Variants in ZNF821 observed in about 807,000 individuals in gnomAD.
ZNF821 encodes zinc finger protein 821.
Under a neutral mutation model 44.3 loss-of-function variants are expected in ZNF821, and 16 were observed. That is an observed-to-expected ratio of 0.36 (90% confidence interval 0.24 to 0.55). The LOEUF is 0.55. ZNF821 is among the 20% of genes least tolerant of loss of function. The pLI is 0.86. For missense variants in ZNF821, 436 were observed against 547.6 expected (o/e 0.80, Z 2.03); for synonymous variants, 204 against 197.6 (o/e 1.03, Z -0.27).
intron 3 of ZNF821, among the ~76,000 whole-genome samples, chr16:71,872,570 G>A (rs1043513047): frequency 3.3e-5 from 5 of 152,040 alleles, no homozygotes; most frequent in African/African-American, 9.7e-5. Context: ...CCGAGATCAC[G>A]CCACTGCACT....
chr16:71,886,218 A>G (rs1411424591), upstream of ZNF821, among the ~76,000 whole-genome samples: 1 of 152,216 alleles, frequency 6.6e-6, no homozygotes, highest in African/African-American at 2.4e-5. Flanking sequence ...TTACAACCAA[A>G]TAATGAAAAA....
chr16:71,878,923 CAAAAA>C (rs1168652069), intron 3 of ZNF821, among the ~76,000 whole-genome samples: 1 of 61,778 alleles, frequency 1.6e-5, no homozygotes, highest in Non-Finnish European at 3.3e-5. Flanking sequence ...GACTCTGTCT[CAAAAA>C]AAAAAAAAAA....
At chr16:71,895,089 C>T in exon 1 of ZNF821, 2 of 392,738 alleles carry the variant, frequency 5.1e-6, no homozygotes, top group Non-Finnish European at 4.7e-6. Flanking sequence ...ACCCCCTCGG[C>T]CGCTCCACCC....
At chr16:71,894,993 C>T (rs2036932854) in exon 1 of ZNF821, 3 of 639,336 alleles carry the variant, frequency 4.7e-6, no homozygotes, top group East Asian at 3.1e-5. Flanking sequence ...AACCGGACGG[C>T]TTAAAAGCGG....
chr16:71,875,691 T>A (rs1432840371), intron 3 of ZNF821, among the ~76,000 whole-genome samples: 1 of 152,044 alleles, frequency 6.6e-6, no homozygotes, highest in Non-Finnish European at 1.5e-5. Flanking sequence ...CTCGATCTCC[T>A]GACCTCGTGA....
At chr16:71,893,243 G>T (rs2036901744) in intron 1 of ZNF821, among the ~76,000 whole-genome samples, 1 of 147,812 alleles carries the variant, frequency 6.8e-6, no homozygotes, top group Non-Finnish European at 1.5e-5. Flanking sequence ...TAGCCAGGGT[G>T]GTCTTCATCT....
intron 3 of ZNF821, among the ~76,000 whole-genome samples, chr16:71,873,048 GA>G (rs1256997491): frequency 1.3e-5 from 2 of 152,148 alleles, no homozygotes; most frequent in African/African-American, 4.8e-5. Flanking sequence ...AGGGCTGGGC[GA>G]GGTGGCTCAT....
upstream of ZNF821, among the ~76,000 whole-genome samples, chr16:71,889,642 C>G (rs754358691): frequency 1.3e-5 from 2 of 151,940 alleles, no homozygotes; most frequent in Non-Finnish European, 2.9e-5. Flanking sequence ...CCATTGCACT[C>G]CAGCCTAGGA....
chr16:71,885,304 G>C (rs1485358872), upstream of ZNF821: 3 of 152,512 alleles, frequency 2.0e-5, no homozygotes, highest in African/African-American at 7.2e-5. Flanking sequence ...GCAGAGGAAA[G>C]AAGATGAGAT....
At chr16:71,882,498 A>G (rs1406737277) in intron 2 of ZNF821, among the ~76,000 whole-genome samples, 1 of 152,176 alleles carries the variant, frequency 6.6e-6, no homozygotes, top group African/African-American at 2.4e-5. Flanking sequence ...CAACATTTCA[A>G]TATTAAAGCT....
At chr16:71,866,191 T>A (rs765395601) in intron 4 of ZNF821, among the ~76,000 whole-genome samples, 31 of 152,086 alleles carry the variant, frequency 2.0e-4, no homozygotes, top group Non-Finnish European at 4.0e-4. Flanking sequence ...GAAACTCAGA[T>A]TTCCTAGCTA....
upstream of ZNF821, among the ~76,000 whole-genome samples, chr16:71,889,293 G>A (rs1485262247): frequency 6.6e-6 from 1 of 152,072 alleles, no homozygotes; most frequent in African/African-American, 2.4e-5. Context: ...TCAAAGTCTG[G>A]GTTCAAGATC....
rs1197973562 is a variant in ZNF821, at chr16:71,861,769, A to G, written c.584+7T>C. ...CCCAGCACAACAGGGATAAGTGCCC[A>G]GCTGACCTGTTAAAAGTGGCATGGC... On this transcript the variant is annotated splice_region_variant and intron_variant, in intron 7 of 7. Coordinates refer to ENST00000425432, the MANE Select transcript of ZNF821 (RefSeq NM_001201552.2). 1.2e-6 allele frequency: 2 copies of G among 1,613,778 alleles called. No individual in the cohort carries two copies. The highest frequency in any genetic ancestry group is 1.1e-5 in the South Asian group (1 of 91,066).
chr16:71,861,481 G>A lies in ZNF821; in HGVS notation c.584+295C>T, dbSNP rs141481130. Among the ~76,000 whole-genome samples, 15 of 152,314 alleles carry A rather than the reference G, an allele frequency of 9.8e-5. No homozygotes were observed. The East Asian group carries it at 2.9e-3, about 29-fold the overall frequency. Reference sequence around the variant, plus strand: ...CGATGGAGACTGCATCCTCATGCCAGGGTCCTCTCTACCCTATAACTTCTT... The same window carrying A: ...CGATGGAGACTGCATCCTCATGCCAAGGTCCTCTCTACCCTATAACTTCTT... On this transcript the variant is annotated intron_variant, in intron 7 of 7. Transcript: ENST00000425432.
intron 3 of ZNF821, among the ~76,000 whole-genome samples, chr16:71,872,612 C>CA (rs1371132625): frequency 1.3e-5 from 2 of 149,860 alleles, no homozygotes; most frequent in African/African-American, 4.9e-5. Flanking sequence ...GACTCCGTCT[C>CA]AAAAAAAAGA....
At chr16:71,867,786 T>A (rs976529406) in intron 4 of ZNF821, 126 bp downstream of exon 4, 1 of 1,314,884 alleles carries the variant, frequency 7.6e-7, no homozygotes, top group Admixed American at 2.4e-5. Flanking sequence ...TTGGGGACAC[T>A]GAGGATCCAC....
In ZNF821 at chr16:71,861,804, G is replaced by C; in HGVS notation, c.556C>G (p.Arg186Gly). ...TTAAAAGTGGCATGGCTGGTGAACCGGGCTCCACACACAGCACAGTTAGAT... is the reference window on the plus strand; with the variant it reads ...TTAAAAGTGGCATGGCTGGTGAACCCGGCTCCACACACAGCACAGTTAGAT... ...QRSNCAVCGA[R>G]FTSHATFNSE... is the part of the protein sequence containing the mutation. The change falls in exon 7 of 8, where the codon CGG becomes GGG. Residue 186 changes from arginine (R) to glycine (G), a missense_variant. By Grantham distance (125) the Arg-to-Gly change is moderately radical. This residue lies in a region of ZNF821 where 238 missense variants were observed against 281.4 expected (regional missense o/e 0.85). Coordinates refer to ENST00000425432, the MANE Select transcript of ZNF821 (RefSeq NM_001201552.2). The C allele has an allele frequency of 6.2e-7, 1 of 1,614,116 alleles. No homozygotes were observed. Among genetic ancestry groups the C allele is most frequent in the African/African-American group, 1.3e-5 (1 of 75,044 alleles).
intron 6 of ZNF821, 140 bp from the exon 7 acceptor site, chr16:71,862,082 A>C (rs2033963672): frequency 2.0e-6 from 2 of 996,746 alleles, no homozygotes; most frequent in Admixed American, 5.4e-5. Context: ...TAGCCCCTAG[A>C]AAAGTCAGTC....
chr16:71,879,655 C>G (rs2046188500), intron 3 of ZNF821, among the ~76,000 whole-genome samples: 1 of 152,152 alleles, frequency 6.6e-6, no homozygotes, highest in African/African-American at 2.4e-5. Context: ...AAAGATATAT[C>G]AAGTGTACAT....
Sources: allele counts gnomAD v4.1 joint callset (sites outside exome capture counted in the v4.1 genomes callset), GRCh38; gene constraint gnomAD v4.1.1; regional missense constraint gnomAD v4.1.1; transcripts MANE v1.5; gene names NCBI Gene and HGNC (gene_info 2026-07-23, HGNC 2026-07-21).